The following C12orf42 variants were observed in gnomAD, a reference collection of about 807,000 sequenced individuals.
C12orf42 encodes chromosome 12 open reading frame 42, also known as uncharacterized protein C12orf42.
A neutral mutation model predicts 21.6 loss-of-function variants in C12orf42; 25 were observed. That is an observed-to-expected ratio of 1.16 (90% CI 0.84 to 1.62). The LOEUF (loss-of-function observed/expected upper bound fraction) is 1.62. Ranked by LOEUF, C12orf42 falls within the 40% of genes most tolerant of loss-of-function variation. C12orf42 has a pLI of 0.00. For synonymous variants in C12orf42, 174 were observed against 175.0 expected (o/e 0.99, Z 0.05); for missense variants, 483 against 459.3 (o/e 1.05, Z -0.47).
At chr12:103,548,027 T>C in the C12orf42 span, 1 of 152,226 alleles carries the variant, frequency 6.6e-6, no homozygotes, top group South Asian at 2.1e-4. Flanking sequence ...AAACAGTTTA[T>C]ATGTATTTTT....
chr12:103,054,819 G>A, the C12orf42 span, among the ~76,000 whole-genome samples: 1 of 151,770 alleles, frequency 6.6e-6, no homozygotes, highest in Non-Finnish European at 1.5e-5. Context: ...CTTTCTACAC[G>A]ATTGATATGA....
At chr12:103,384,941 A>G (rs910761206) in intron 3 of C12orf42, among the ~76,000 whole-genome samples, 1 of 152,190 alleles carries the variant, frequency 6.6e-6, no homozygotes, top group African/African-American at 2.4e-5. Context: ...CATGCAAATC[A>G]TGGTCGTCTG....
chr12:103,150,347 T>G, the C12orf42 span, among the ~76,000 whole-genome samples: 1 of 152,210 alleles, frequency 6.6e-6, no homozygotes. Flanking sequence ...AACGATGCTA[T>G]AAAACTTCAG....
the C12orf42 span, among the ~76,000 whole-genome samples, chr12:103,149,186 A>T: frequency 6.6e-6 from 1 of 152,150 alleles, no homozygotes; most frequent in African/African-American, 2.4e-5. Flanking sequence ...ATTTTCAAAA[A>T]AATTCCCCTG....
chr12:103,399,020 A>G (rs990520511), intron 3 of C12orf42, among the ~76,000 whole-genome samples: 1 of 151,676 alleles, frequency 6.6e-6, no homozygotes, highest in South Asian at 2.1e-4. Flanking sequence ...TATGCATACT[A>G]TCTCTTCATT....
chr12:103,411,513 C>G (rs542238733), intron 2 of C12orf42, among the ~76,000 whole-genome samples: 1 of 152,322 alleles, frequency 6.6e-6, no homozygotes, highest in Non-Finnish European at 1.5e-5. Context: ...GTGTTGAAAT[C>G]TAATTCCCAA....
the C12orf42 span, among the ~76,000 whole-genome samples, chr12:103,537,088 C>CTGAATGAATGAA: frequency 0.028 from 4,253 of 151,762 alleles, 225 homozygotes; most frequent in African/African-American, 0.098. Context: ...TTACTATTTT[C>CTGAATGAATGAA]TGAATGAATG....
intron 4 of C12orf42, among the ~76,000 whole-genome samples, chr12:103,284,072 T>C (rs921689481): frequency 6.6e-6 from 1 of 152,200 alleles, no homozygotes; most frequent in Non-Finnish European, 1.5e-5. Context: ...TAACTTGTGA[T>C]AGAACTTATC....
chr12:103,197,311 T>C, the C12orf42 span, among the ~76,000 whole-genome samples: 1 of 152,192 alleles, frequency 6.6e-6, no homozygotes, highest in Non-Finnish European at 1.5e-5. Context: ...GTTCCCTTGG[T>C]GGGGATCTGA....
the C12orf42 span, among the ~76,000 whole-genome samples, chr12:103,540,138 G>C: frequency 6.6e-6 from 1 of 151,936 alleles, no homozygotes; most frequent in South Asian, 2.1e-4. Context: ...CTCCTGAGTA[G>C]CTAGGATTAC....
intron 4 of C12orf42, among the ~76,000 whole-genome samples, chr12:103,290,757 A>C (rs968435982): frequency 6.6e-6 from 1 of 152,182 alleles, no homozygotes; most frequent in Non-Finnish European, 1.5e-5. Flanking sequence ...AAACAGAAAA[A>C]AGTGGTGTTA....
At chr12:103,153,134 T>C in the C12orf42 span, among the ~76,000 whole-genome samples, 2 of 152,188 alleles carry the variant, frequency 1.3e-5, no homozygotes, top group Non-Finnish European at 2.9e-5. Flanking sequence ...GAAAAACAAA[T>C]GTGTCCTAAC....
intron 4 of C12orf42, among the ~76,000 whole-genome samples, chr12:103,337,612 A>G (rs777101559): frequency 6.6e-6 from 1 of 152,152 alleles, no homozygotes; most frequent in Non-Finnish European, 1.5e-5. Flanking sequence ...TTGGCCTCCC[A>G]AAGTGCTGGG....
chr12:103,406,704 GA>G (rs1333077015), intron 2 of C12orf42, among the ~76,000 whole-genome samples: 1 of 152,178 alleles, frequency 6.6e-6, no homozygotes, highest in Non-Finnish European at 1.5e-5. Flanking sequence ...ACAGGATAAA[GA>G]CTATGAAAAT....
chr12:103,137,462 A>T, the C12orf42 span, among the ~76,000 whole-genome samples: 2 of 149,330 alleles, frequency 1.3e-5, no homozygotes, highest in African/African-American at 2.5e-5. Context: ...TAAGATTTCT[A>T]AAAAAAAACT....
chr12:103,500,879 A>G (rs1005495529), upstream of C12orf42, among the ~76,000 whole-genome samples: 6 of 152,264 alleles, frequency 3.9e-5, no homozygotes, highest in Admixed American at 2.6e-4. Flanking sequence ...TCCTGTCTTT[A>G]AAAGACAAGA....
the C12orf42 span, among the ~76,000 whole-genome samples, chr12:103,545,664 A>G: frequency 6.6e-6 from 1 of 152,252 alleles, no homozygotes; most frequent in Non-Finnish European, 1.5e-5. Context: ...TTGCTCAGCA[A>G]TAAAGAAATT....
At chr12:103,503,014 C>A in the C12orf42 span, among the ~76,000 whole-genome samples, 2 of 152,168 alleles carry the variant, frequency 1.3e-5, no homozygotes, top group Non-Finnish European at 2.9e-5. Context: ...CCTGAAACCT[C>A]AATCAACAAA....
chr12:103,115,214 A>G, the C12orf42 span, among the ~76,000 whole-genome samples: 40 of 152,332 alleles, frequency 2.6e-4, no homozygotes, highest in East Asian at 6.4e-3. Flanking sequence ...AATGCTCTCA[A>G]ATTGTGGAAC....
Sources: gnomAD v4.1 joint callset for allele counts (sites outside exome capture counted in the v4.1 genomes callset) on GRCh38, gnomAD v4.1.1 for gene constraint, MANE v1.5 for transcripts, NCBI Gene and HGNC (gene_info 2026-07-23, HGNC 2026-07-21) for gene names.